The following NID1 variants were observed in gnomAD, a reference collection of about 807,000 sequenced individuals.
NID1 encodes nidogen 1.
In NID1, 76 loss-of-function variants were observed where a neutral mutation model predicts 130.6. That is an observed-to-expected ratio of 0.58 (90% confidence interval 0.48 to 0.70). The LOEUF (loss-of-function observed/expected upper bound fraction) is 0.70. Ranked by LOEUF, NID1 falls within the 30% of genes least tolerant of loss-of-function variation. The pLI, the probability that NID1 is intolerant of heterozygous loss-of-function variation, is 0.00. For missense variants in NID1, 1,517 were observed against 1,664.8 expected (o/e 0.91, Z 1.54); for synonymous variants, 665 against 675.1 (o/e 0.98, Z 0.23).
chr1:236,061,922 T>C (rs1209783225), intron 1 of NID1, among the ~76,000 whole-genome samples: 1 of 152,004 alleles, frequency 6.6e-6, no homozygotes, highest in Non-Finnish European at 1.5e-5. Flanking sequence ...AAGTCAGAAA[T>C]AAGAAATGTT....
At chr1:236,012,837 A>C (rs1658474261) in intron 11 of NID1, among the ~76,000 whole-genome samples, 1 of 152,196 alleles carries the variant, frequency 6.6e-6, no homozygotes, top group African/African-American at 2.4e-5. Context: ...ATATTAAGTA[A>C]TTGTGCAAAC....
At chr1:236,064,682 G>C (rs917092016) in intron 1 of NID1, 173 bp downstream of exon 1, 3 of 656,184 alleles carry the variant, frequency 4.6e-6, no homozygotes, top group South Asian at 3.3e-5. Flanking sequence ...GGACCGGGTC[G>C]GGAAGACCTT....
chr1:236,039,248 T>C (rs188151133), intron 4 of NID1, among the ~76,000 whole-genome samples: 1,559 of 149,034 alleles, frequency 0.01, 31 homozygotes, highest in African/African-American at 0.035. Context: ...TTTTAATTTT[T>C]TATTGTGGTA....
At chr1:235,985,724 TTGTGTGTGTGTGTG>T (rs759787113) in intron 14 of NID1, among the ~76,000 whole-genome samples, 6 of 147,686 alleles carry the variant, frequency 4.1e-5, no homozygotes, top group African/African-American at 7.5e-5. Context: ...GTATAGGAAT[TTGTGTGTGTGTGTG>T]TGTGTGTGTG....
intron 2 of NID1, among the ~76,000 whole-genome samples, chr1:236,047,748 C>T (rs996262290): frequency 6.6e-5 from 10 of 152,074 alleles, no homozygotes; most frequent in Admixed American, 3.3e-4. Flanking sequence ...TCCTTCCAGC[C>T]GGGCTCGGTG....
intron 12 of NID1, among the ~76,000 whole-genome samples, chr1:235,999,383 T>C (rs1375776229): frequency 6.6e-6 from 1 of 151,960 alleles, no homozygotes; most frequent in Non-Finnish European, 1.5e-5. Context: ...TCAACTGTAC[T>C]CAGGAAATAG....
At chr1:236,000,382 T>C (rs1453906043) in intron 12 of NID1, among the ~76,000 whole-genome samples, 2 of 152,152 alleles carry the variant, frequency 1.3e-5, no homozygotes, top group Non-Finnish European at 2.9e-5. Context: ...ACCCAGACAT[T>C]CCTTTCTATT....
Position 236,038,106 on chromosome 1 carries a change from T to C in NID1, c.1283A>G (p.Glu428Gly), listed in dbSNP as rs1313477794. 6.3e-7 allele frequency: 1 copy of C among 1,593,520 alleles called. No homozygotes were observed. The highest frequency in any genetic ancestry group is 2.3e-5 in the East Asian group (1 of 44,206). ...ACGAACATAGAAAAGCAAATTACCTTCTGCAACACATTGCCTGCCATTGCC... is the reference window on the plus strand; with the variant it reads ...ACGAACATAGAAAAGCAAATTACCTCCTGCAACACATTGCCTGCCATTGCC... ...YTGNGRQCVA[E>G]GSPQRVNGKV... The change falls in exon 5 of 20, where the codon GAA becomes GGA. Residue 428 changes from glutamate (E) to glycine (G), a missense_variant and splice_region_variant. Around this residue, in one of 3 missense-constraint regions of NID1, gnomAD observed 1,329 missense variants for 1,429.2 expected, o/e 0.93. Coordinates refer to ENST00000264187, the MANE Select transcript of NID1 (RefSeq NM_002508.3).
intron 8 of NID1, 126 bp from the exon 9 acceptor site, chr1:236,024,339 G>GCTGGTGTCCCATTCC: frequency 1.8e-6 from 2 of 1,110,058 alleles, no homozygotes; most frequent in Non-Finnish European, 2.6e-6. Flanking sequence ...AGTGGAATGG[G>GCTGGTGTCCCATTCC]ACACCAGCCA....
In NID1 at chr1:236,025,369, C is replaced by A. The variant is rs575125505; in HGVS notation, c.1984+527G>T. Among the ~76,000 whole-genome samples, 7 of 150,770 alleles carry A rather than the reference C, an allele frequency of 4.6e-5. No homozygotes were observed. The East Asian group carries it at 7.9e-4, about 17-fold the overall frequency. ...CTCTGCCTCCTGGGTTCAAGCGATTCTCCTGCCTCAGCCTCCCAAGTAGCT... is the reference window on the plus strand; with the variant it reads ...CTCTGCCTCCTGGGTTCAAGCGATTATCCTGCCTCAGCCTCCCAAGTAGCT... On this transcript the variant is annotated intron_variant, in intron 8 of 19. Coordinates refer to ENST00000264187, the MANE Select transcript of NID1 (RefSeq NM_002508.3).
At chr1:236,012,374 C>T (rs550581494) in intron 11 of NID1, among the ~76,000 whole-genome samples, 12 of 152,044 alleles carry the variant, frequency 7.9e-5, no homozygotes, top group African/African-American at 2.7e-4. Context: ...CTGGCCAACA[C>T]GGTGAAACCC....
chr1:235,987,346 C>G (rs1022747546), intron 14 of NID1, among the ~76,000 whole-genome samples: 1 of 152,188 alleles, frequency 6.6e-6, no homozygotes, highest in Non-Finnish European at 1.5e-5. Context: ...AAAGCCTTGT[C>G]GAGATCTTTT....
At chr1:235,985,551 T>G in intron 14 of NID1, 46 bp from the exon 15 acceptor site, 1 of 1,605,250 alleles carries the variant, frequency 6.2e-7, no homozygotes, top group Non-Finnish European at 8.5e-7. Flanking sequence ...TACAAGCATC[T>G]GATAGTGAGA....
chr1:236,051,184 A>G (rs1167528042), intron 1 of NID1, among the ~76,000 whole-genome samples: 4 of 152,308 alleles, frequency 2.6e-5, no homozygotes, highest in Non-Finnish European at 4.4e-5. Flanking sequence ...TTGGAAAAAC[A>G]CGAATCCAGA....
At chr1:236,001,108 T>G (rs1303128640) in intron 12 of NID1, among the ~76,000 whole-genome samples, 2 of 82,130 alleles carry the variant, frequency 2.4e-5, no homozygotes, top group African/African-American at 7.1e-5. Context: ...GCTTTGAGAT[T>G]TTTTTTTTTT....
At position 236,038,093 on chromosome 1, in the gene NID1, A is replaced by T. The variant is rs751119189; in HGVS notation, c.1285+11T>A. On this transcript the variant is annotated intron_variant, in intron 5 of 19. Transcript: ENST00000264187. ...TCTCCCGCATGAAACGAACATAGAAAAGCAAATTACCTTCTGCAACACATT... is the reference window on the plus strand; with the variant it reads ...TCTCCCGCATGAAACGAACATAGAATAGCAAATTACCTTCTGCAACACATT... 1 of 1,587,156 alleles carries T rather than the reference A, an allele frequency of 6.3e-7. No homozygotes were observed. Among genetic ancestry groups the T allele is most frequent in the Middle Eastern group, 1.7e-4 (1 of 5,980 alleles).
chr1:236,034,380 C>A (rs1267487546), intron 5 of NID1, among the ~76,000 whole-genome samples: 1 of 143,974 alleles, frequency 6.9e-6, no homozygotes, highest in Non-Finnish European at 1.5e-5. Context: ...TGAGATTGCA[C>A]CATTGCACTC....
At chr1:236,052,895 AAATGAATG>A (rs61159787) in intron 1 of NID1, among the ~76,000 whole-genome samples, 27 of 152,062 alleles carry the variant, frequency 1.8e-4, no homozygotes, top group Non-Finnish European at 2.9e-4. Flanking sequence ...AGCAGCTGGA[AAATGAATG>A]AATGAATGAA....
chr1:235,988,014 C>T (rs1657621214), intron 14 of NID1, among the ~76,000 whole-genome samples: 1 of 151,652 alleles, frequency 6.6e-6, no homozygotes, highest in Non-Finnish European at 1.5e-5. Flanking sequence ...ACCAAAAGCA[C>T]AGGCAACAAA....
Sources: gnomAD v4.1 joint callset for allele counts (sites outside exome capture counted in the v4.1 genomes callset) on GRCh38, gnomAD v4.1.1 for gene constraint, gnomAD v4.1.1 regional missense constraint, MANE v1.5 for transcripts, NCBI Gene and HGNC (gene_info 2026-07-23, HGNC 2026-07-21) for gene names.